COL9A1: variants seen among roughly 807,000 people sequenced by gnomAD.
COL9A1 encodes the protein collagen type IX alpha 1 chain.
Under a neutral mutation model 142.6 loss-of-function variants are expected in COL9A1, and 104 were observed. The observed-to-expected ratio is 0.73, with a 90% CI of 0.62 to 0.86. The LOEUF (loss-of-function observed/expected upper bound fraction) is 0.86, where lower values mean the gene tolerates loss of function less well. Among genes scored for constraint, COL9A1 ranks in the 40% least tolerant of loss-of-function variants. The probability of loss-of-function intolerance (pLI) is 0.00; values close to 1 mark genes in which losing one functional copy is unlikely to be tolerated. For missense variants in COL9A1, 1,210 were observed against 1,176.6 expected (o/e 1.03, Z -0.42); for synonymous variants, 466 against 396.0 (o/e 1.18, Z -2.10).
chr6:70,250,407 G>A (rs189030195), intron 28 of COL9A1, among the ~76,000 whole-genome samples: 59 of 152,260 alleles, frequency 3.9e-4, no homozygotes, highest in African/African-American at 1.1e-3. Flanking sequence ...TCATTGCTTC[G>A]ACAGTTAACT....
intron 14 of COL9A1, 83 bp from the exon 15 acceptor site, chr6:70,270,450 G>A: frequency 7.6e-7 from 1 of 1,320,710 alleles, no homozygotes; most frequent in Non-Finnish European, 1.1e-6. Context: ...TAAGAGAATG[G>A]TATTACTGGA....
At chr6:70,259,454 G>A (rs907402631) in intron 20 of COL9A1, among the ~76,000 whole-genome samples, 1 of 151,998 alleles carries the variant, frequency 6.6e-6, no homozygotes, top group African/African-American at 2.4e-5. Flanking sequence ...AAATCTGATA[G>A]AGAGGCTAAA....
intron 18 of COL9A1, among the ~76,000 whole-genome samples, chr6:70,265,701 C>T (rs777582605): frequency 2.0e-5 from 3 of 151,912 alleles, no homozygotes; most frequent in Admixed American, 6.6e-5. Context: ...TGTTATATTT[C>T]AGATAAATAA....
chr6:70,281,148 G>T, intron 8 of COL9A1, 109 bp from the exon 9 acceptor site: 2 of 980,488 alleles, frequency 2.0e-6, no homozygotes, highest in Non-Finnish European at 3.1e-6. Flanking sequence ...TGGTGTAAGG[G>T]TCAAACGTGG....
chr6:70,260,111 G>GTTTACTCTGA (rs1562309670), intron 20 of COL9A1, among the ~76,000 whole-genome samples: 2 of 152,050 alleles, frequency 1.3e-5, no homozygotes, highest in Non-Finnish European at 2.9e-5. Flanking sequence ...TAACAACCTT[G>GTTTACTCTGA]TTTACTCTGA....
intron 37 of COL9A1, among the ~76,000 whole-genome samples, chr6:70,225,489 G>A (rs1413479715): frequency 6.6e-6 from 1 of 151,832 alleles, no homozygotes; most frequent in African/African-American, 2.4e-5. Context: ...GGAGGGTCTG[G>A]GTGTTTGAAA....
chr6:70,280,962 T>C (rs370010485), intron 9 of COL9A1, 42 bp downstream of exon 9: 2 of 1,613,282 alleles, frequency 1.2e-6, no homozygotes, highest in Non-Finnish European at 8.5e-7. Context: ...AAAACACGTC[T>C]AAAGGAAGGA....
rs780405287 is a variant in COL9A1 at position 70,254,995 on chromosome 6, G to A, written c.1633C>T (p.Arg545Cys). Residue 545 changes from arginine (R) to cysteine (C), a missense_variant, in exon 24 of 38, where the codon CGT (arginine) becomes TGT (cysteine). Transcript: ENST00000357250. Reference protein sequence around the residue: ...GDTGLPGVDGRDGIPGMPGTK... With the variant: ...GDTGLPGVDGCDGIPGMPGTK... Reference sequence around the variant, plus strand: ...CCAGGCATTCCAGGGATCCCATCACGGCCATCCACACCTGGCAAACCCTAA... The same window carrying A: ...CCAGGCATTCCAGGGATCCCATCACAGCCATCCACACCTGGCAAACCCTAA... 8.1e-6 allele frequency: 13 copies of A among 1,613,868 alleles called. No homozygotes were observed. In the East Asian group the frequency reaches 1.1e-4, roughly 14 times the overall value.
At chr6:70,271,939 A>G in intron 13 of COL9A1, 126 bp downstream of exon 13, 1 of 1,023,260 alleles carries the variant, frequency 9.8e-7, no homozygotes, top group Non-Finnish European at 1.5e-6. Flanking sequence ...GTAGCCACCT[A>G]AGATCTTGCA....
At chr6:70,267,573 C>T (rs1341082235) in intron 17 of COL9A1, among the ~76,000 whole-genome samples, 8 of 152,106 alleles carry the variant, frequency 5.3e-5, no homozygotes, top group East Asian at 3.9e-4. Context: ...CCACCCACCT[C>T]GGCCTCCCAA....
rs768257476 is a variant in COL9A1, at chr6:70,253,455, G to C, written c.1720-26C>G. ...CTAAAAGAATACATACACAATCCTA[G>C]TTTAATCACCTCCTCTGAGAATCCA... On this transcript the variant is annotated intron_variant, in intron 25 of 37. Coordinates refer to ENST00000357250, the MANE Select transcript of COL9A1 (RefSeq NM_001851.6). The C allele has an allele frequency of 2.6e-6, 4 of 1,549,464 alleles. No homozygotes were observed. The South Asian group carries it at 4.5e-5, about 17-fold the overall frequency.
intron 24 of COL9A1, 107 bp from the exon 25 acceptor site, chr6:70,254,636 C>T: frequency 9.8e-7 from 1 of 1,024,644 alleles, no homozygotes. Context: ...GTCCCAACAG[C>T]TGACTTTACA....
intron 20 of COL9A1, among the ~76,000 whole-genome samples, chr6:70,257,729 A>G (rs1327634638): frequency 1.3e-5 from 2 of 152,204 alleles, no homozygotes; most frequent in African/African-American, 2.4e-5. Flanking sequence ...CATGGGCGAC[A>G]GTGTGAGACC....
Position 70,302,085 on chromosome 6 carries a change from G to A in COL9A1, c.15-11C>T, listed in dbSNP as rs776092871. ...AAAACTGGAATTTTCCTGAAGAAGAGAGAAGAAAAATGACTGAAACAGGAG... is the reference window on the plus strand; with the variant it reads ...AAAACTGGAATTTTCCTGAAGAAGAAAGAAGAAAAATGACTGAAACAGGAG... On this transcript the variant is annotated splice_polypyrimidine_tract_variant and intron_variant, in intron 1 of 37. Coordinates refer to ENST00000357250, the MANE Select transcript of COL9A1 (RefSeq NM_001851.6). 6.2e-7 allele frequency: 1 copy of A among 1,601,958 alleles called. No individual in the cohort carries two copies. Among genetic ancestry groups the A allele is most frequent in the South Asian group, 1.1e-5 (1 of 89,364 alleles).
intron 35 of COL9A1, among the ~76,000 whole-genome samples, chr6:70,233,715 G>A (rs527365101): frequency 1.3e-4 from 20 of 152,076 alleles, no homozygotes; most frequent in Non-Finnish European, 2.4e-4. Flanking sequence ...CAATGAAGAG[G>A]CCTATATTGC....
intron 18 of COL9A1, among the ~76,000 whole-genome samples, chr6:70,263,925 ACC>A (rs1583288436): frequency 6.6e-6 from 1 of 151,800 alleles, no homozygotes; most frequent in East Asian, 1.9e-4. Context: ...ATCTGTAATT[ACC>A]CGTAATTTGT....
chr6:70,262,435 T>G (rs561326170), intron 19 of COL9A1, among the ~76,000 whole-genome samples: 1 of 152,198 alleles, frequency 6.6e-6, no homozygotes, highest in African/African-American at 2.4e-5. Context: ...GCTGAACCCT[T>G]TTTAAACAGC....
chr6:70,222,525 C>T (rs1422701152), intron 37 of COL9A1, among the ~76,000 whole-genome samples: 1 of 152,108 alleles, frequency 6.6e-6, no homozygotes, highest in East Asian at 1.9e-4. Context: ...TAATAATAAC[C>T]TGTGTTCCAT....
At chr6:70,289,746 T>C (rs1422118516) in intron 5 of COL9A1, among the ~76,000 whole-genome samples, 1 of 152,206 alleles carries the variant, frequency 6.6e-6, no homozygotes, top group African/African-American at 2.4e-5. Flanking sequence ...TTAATAGTTT[T>C]ATGCATAATA....
Sources: allele counts gnomAD v4.1 joint callset (sites outside exome capture counted in the v4.1 genomes callset), GRCh38; gene constraint gnomAD v4.1.1; transcripts MANE v1.5; gene names NCBI Gene and HGNC (gene_info 2026-07-23, HGNC 2026-07-21).